CTNNA2: variants seen among roughly 807,000 people sequenced by gnomAD.
CTNNA2 encodes the protein catenin alpha 2.
A neutral mutation model predicts 101.0 loss-of-function variants in CTNNA2; 42 were observed. The ratio of observed to expected loss-of-function variants is 0.42; its 90% CI spans 0.32 to 0.54. The LOEUF (loss-of-function observed/expected upper bound fraction) is 0.54, where lower values mean the gene tolerates loss of function less well. Ranked by LOEUF, CTNNA2 falls within the 20% of genes least tolerant of loss-of-function variation. The pLI is 0.14. For synonymous variants in CTNNA2, 450 were observed against 456.4 expected (o/e 0.99, Z 0.18); for missense variants, 871 against 1,223.1 (o/e 0.71, Z 4.29).
Position 80,310,972 on chromosome 2 carries a change from C to CAAAA in CTNNA2, c.1057-82224_1057-82221dup, listed in dbSNP as rs3040535. 5.5e-4 allele frequency among the ~76,000 whole-genome samples: 53 copies of CAAAA among 96,418 alleles called. 1 individual carries two copies. The highest frequency in any genetic ancestry group is 1.8e-3 in the African/African-American group (51 of 29,096). The allele number at this position is 96,418 out of a possible 152,430, so 63.3% of individuals were successfully genotyped here. On this transcript the variant is annotated intron_variant, in intron 7 of 18. Transcript: ENST00000402739. The stretch of plus-strand genomic sequence containing the variant: ...TGGGTGACAGTGCGAGACTCCATCT[C>CAAAA]AAAAAAAAAAAAAAAAAATGTAAAT...
chr2:80,230,522 A>ATT (rs1399374965), intron 7 of CTNNA2, among the ~76,000 whole-genome samples: 1 of 152,094 alleles, frequency 6.6e-6, no homozygotes, highest in Non-Finnish European at 1.5e-5. Context: ...AGTTTGTGGC[A>ATT]TTTATCAGTT....
chr2:79,812,034 A>G (rs1677081146), intron 3 of CTNNA2, among the ~76,000 whole-genome samples: 1 of 152,204 alleles, frequency 6.6e-6, no homozygotes, highest in Admixed American at 6.5e-5. Context: ...TTCTATATAG[A>G]AATACAATAG....
chr2:80,540,838 G>A (rs1691493275), intron 9 of CTNNA2, among the ~76,000 whole-genome samples: 1 of 152,108 alleles, frequency 6.6e-6, no homozygotes, highest in Non-Finnish European at 1.5e-5. Flanking sequence ...TGGATTACAG[G>A]TGTGTGCCAC....
chr2:79,745,445 TAAAATA>T (rs987337074), intron 3 of CTNNA2, among the ~76,000 whole-genome samples: 8 of 150,484 alleles, frequency 5.3e-5, no homozygotes, highest in African/African-American at 2.0e-4. Flanking sequence ...AAAAAAAAAA[TAAAATA>T]AAAAGAAAAA....
chr2:79,428,810 A>T (rs1399131558), intron 4 of CTNNA2, among the ~76,000 whole-genome samples: 1 of 152,144 alleles, frequency 6.6e-6, no homozygotes, highest in Non-Finnish European at 1.5e-5. Context: ...TAACAGTCCC[A>T]ATAGACATTA....
At chr2:80,461,684 A>C (rs1684440664) in intron 9 of CTNNA2, among the ~76,000 whole-genome samples, 1 of 152,154 alleles carries the variant, frequency 6.6e-6, no homozygotes, top group Non-Finnish European at 1.5e-5. Context: ...CGAAACTTAA[A>C]AAAAAAAAGT....
chr2:80,536,908 T>C (rs2149607371), intron 9 of CTNNA2, among the ~76,000 whole-genome samples: 1 of 152,350 alleles, frequency 6.6e-6, no homozygotes, highest in Non-Finnish European at 1.5e-5. Context: ...CCTTTTTAAA[T>C]GGTCACTATA....
chr2:80,082,509 C>G (rs1202174510), intron 7 of CTNNA2, among the ~76,000 whole-genome samples: 1 of 152,062 alleles, frequency 6.6e-6, no homozygotes, highest in Non-Finnish European at 1.5e-5. Context: ...AAGTCCAGTG[C>G]TTTTTACTTA....
In CTNNA2 at chr2:79,852,283, T is replaced by C. The variant is rs557404054; in HGVS notation, c.299-5730T>C. On this transcript the variant is annotated intron_variant, in intron 3 of 18. Transcript: ENST00000402739. ...ATTAAGATGTGAATGCTCTTTTGGCTTCTTTTAATTGTATTTTTTTAGTTC... is the reference window on the plus strand; with the variant it reads ...ATTAAGATGTGAATGCTCTTTTGGCCTCTTTTAATTGTATTTTTTTAGTTC... Among the ~76,000 whole-genome samples the C allele has an allele frequency of 3.9e-5, 6 of 152,342 alleles. No individual in the cohort carries two copies. In the East Asian group the frequency reaches 7.7e-4, roughly 20 times the overall value.
At chr2:79,500,410 C>T (rs531990236) in intron 4 of CTNNA2, among the ~76,000 whole-genome samples, 2 of 152,210 alleles carry the variant, frequency 1.3e-5, no homozygotes, top group Non-Finnish European at 2.9e-5. Flanking sequence ...TTAATAAACT[C>T]GAGTCAAACT....
chr2:80,043,798 C>T (rs1452249338), intron 7 of CTNNA2, among the ~76,000 whole-genome samples: 1 of 152,184 alleles, frequency 6.6e-6, no homozygotes, highest in Admixed American at 6.5e-5. Context: ...CAAGTCTTCG[C>T]AATGTATCCA....
chr2:79,644,916 G>A (rs762727341), intron 1 of CTNNA2, among the ~76,000 whole-genome samples: 2 of 152,012 alleles, frequency 1.3e-5, no homozygotes, highest in African/African-American at 2.4e-5. Flanking sequence ...TCTAAAAGCC[G>A]TACGCCAGAG....
At chr2:80,173,047 G>T (rs1299009905) in intron 7 of CTNNA2, among the ~76,000 whole-genome samples, 1 of 152,178 alleles carries the variant, frequency 6.6e-6, no homozygotes, top group Admixed American at 6.5e-5. Context: ...AAAAACCTCT[G>T]AATCAGAACC....
chr2:79,268,629 C>T (rs1220930712), intron 2 of CTNNA2, among the ~76,000 whole-genome samples: 1 of 152,086 alleles, frequency 6.6e-6, no homozygotes, highest in Admixed American at 6.6e-5. Context: ...TCTTGAGGAA[C>T]AGAGGCCTCA....
chr2:79,410,549 A>T (rs188061302), intron 4 of CTNNA2, among the ~76,000 whole-genome samples: 17 of 152,106 alleles, frequency 1.1e-4, no homozygotes, highest in African/African-American at 4.1e-4. Flanking sequence ...TTCTGCATCT[A>T]TTGAGATAAT....
intron 3 of CTNNA2, among the ~76,000 whole-genome samples, chr2:79,331,225 A>G (rs556310626): frequency 1.4e-3 from 208 of 152,112 alleles, no homozygotes; most frequent in Non-Finnish European, 1.5e-3. Context: ...GCCAGTCTTC[A>G]TTCCTCTTGG....
intron 4 of CTNNA2, among the ~76,000 whole-genome samples, chr2:79,490,060 C>A (rs569435431): frequency 6.6e-6 from 1 of 152,246 alleles, no homozygotes; most frequent in Admixed American, 6.5e-5. Flanking sequence ...TAGTTCTTGC[C>A]AATTTCATCA....
intron 9 of CTNNA2, among the ~76,000 whole-genome samples, chr2:80,539,500 T>A (rs2149613798): frequency 6.6e-6 from 1 of 152,196 alleles, no homozygotes; most frequent in Admixed American, 6.5e-5. Context: ...GGATGGATAG[T>A]TTACCTCTCC....
intron 1 of CTNNA2, among the ~76,000 whole-genome samples, chr2:79,626,771 C>T (rs928330463): frequency 2.0e-5 from 3 of 151,072 alleles, no homozygotes; most frequent in Admixed American, 6.6e-5. Flanking sequence ...TTTTAGGTAG[C>T]GAGACAACAT....
Sources: gnomAD v4.1 joint callset for allele counts (sites outside exome capture counted in the v4.1 genomes callset) on GRCh38, gnomAD v4.1.1 for gene constraint, MANE v1.5 for transcripts, NCBI Gene and HGNC (gene_info 2026-07-23, HGNC 2026-07-21) for gene names.